The following NBEA variants were observed in gnomAD, a reference collection of about 807,000 sequenced individuals.
The protein encoded by NBEA is lysosomal-trafficking regulator 2.
NBEA carries 44 observed loss-of-function variants against 343.4 expected under a neutral mutation model. That is an observed-to-expected ratio of 0.13 (90% CI 0.10 to 0.16). The LOEUF (loss-of-function observed/expected upper bound fraction) is 0.16. Ranked by LOEUF, NBEA falls within the 10% of genes least tolerant of loss-of-function variation. NBEA has a pLI of 1.00. For missense variants in NBEA, 2,555 were observed against 3,631.3 expected (o/e 0.70, Z 7.62); for synonymous variants, 1,175 against 1,238.7 (o/e 0.95, Z 1.08).
intron 14 of NBEA, 21 bp downstream of exon 14, chr13:35,117,514 T>A: frequency 8.7e-7 from 1 of 1,144,544 alleles, no homozygotes; most frequent in Non-Finnish European, 1.2e-6. Flanking sequence ...TTTATATAAT[T>A]TAAAATAATA....
intron 1 of NBEA, among the ~76,000 whole-genome samples, chr13:34,946,805 G>A (rs2059198190): frequency 6.7e-6 from 1 of 149,166 alleles, no homozygotes; most frequent in South Asian, 2.1e-4. Context: ...TCTCATCTTG[G>A]CTTATGGATC....
intron 36 of NBEA, among the ~76,000 whole-genome samples, chr13:35,331,138 C>T (rs1242077020): frequency 6.6e-6 from 1 of 151,980 alleles, no homozygotes; most frequent in Non-Finnish European, 1.5e-5. Context: ...GATGACCAAT[C>T]TATCAATGTG....
chr13:35,452,050 C>T, intron 39 of NBEA, 42 bp from the exon 40 acceptor site: 2 of 1,449,592 alleles, frequency 1.4e-6, no homozygotes, highest in Non-Finnish European at 1.9e-6. Flanking sequence ...TAAGCAGAAA[C>T]AATCATAATA....
chr13:35,342,250 A>T (rs2039627454), intron 36 of NBEA, among the ~76,000 whole-genome samples: 1 of 152,110 alleles, frequency 6.6e-6, no homozygotes, highest in African/African-American at 2.4e-5. Context: ...TTGCAGAATG[A>T]TAAAAAGGAT....
At chr13:35,319,146 T>C (rs1469214360) in intron 36 of NBEA, among the ~76,000 whole-genome samples, 1 of 152,078 alleles carries the variant, frequency 6.6e-6, no homozygotes, top group East Asian at 1.9e-4. Context: ...TCTGCTAGCT[T>C]TTGAATTTGC....
At chr13:35,585,369 A>G (rs1048861534) in intron 46 of NBEA, among the ~76,000 whole-genome samples, 2 of 151,744 alleles carry the variant, frequency 1.3e-5, no homozygotes, top group South Asian at 4.2e-4. Context: ...AGAGCATCCC[A>G]TTTTTTACCT....
At chr13:35,198,730 A>G (rs1443523029) in intron 31 of NBEA, among the ~76,000 whole-genome samples, 2 of 151,954 alleles carry the variant, frequency 1.3e-5, no homozygotes, top group Non-Finnish European at 2.9e-5. Context: ...AAGTACTATC[A>G]AATGTAAATG....
At chr13:35,424,404 A>G (rs2044510138) in intron 38 of NBEA, among the ~76,000 whole-genome samples, 1 of 152,138 alleles carries the variant, frequency 6.6e-6, no homozygotes, top group African/African-American at 2.4e-5. Flanking sequence ...CTATTGAGAT[A>G]ATCATTTGGT....
At chr13:35,310,731 TATG>T (rs1187255365) in intron 36 of NBEA, among the ~76,000 whole-genome samples, 1 of 152,198 alleles carries the variant, frequency 6.6e-6, no homozygotes, top group Non-Finnish European at 1.5e-5. Flanking sequence ...TTCTTTGGAA[TATG>T]ATGATTATTT....
intron 36 of NBEA, among the ~76,000 whole-genome samples, chr13:35,342,687 T>C (rs1416125450): frequency 6.6e-6 from 1 of 152,040 alleles, no homozygotes; most frequent in African/African-American, 2.4e-5. Flanking sequence ...AGAAGAGGCT[T>C]ATGATGTTAT....
At chr13:35,592,180 T>C (rs569753652) in intron 46 of NBEA, among the ~76,000 whole-genome samples, 1 of 152,262 alleles carries the variant, frequency 6.6e-6, no homozygotes, top group African/African-American at 2.4e-5. Context: ...CTAGGTTTTC[T>C]GCTATAGGAA....
intron 13 of NBEA, among the ~76,000 whole-genome samples, chr13:35,113,178 G>C (rs559849453): frequency 1.3e-5 from 2 of 151,962 alleles, no homozygotes; most frequent in African/African-American, 4.8e-5. Context: ...CCTTAAATTT[G>C]AATTTTCTGT....
At chr13:35,139,759 T>G (rs1268180328) in intron 17 of NBEA, among the ~76,000 whole-genome samples, 8 of 146,048 alleles carry the variant, frequency 5.5e-5, no homozygotes, top group African/African-American at 5.1e-5. Flanking sequence ...TTTTTTTTTT[T>G]TTTTTTTTTT....
intron 34 of NBEA, among the ~76,000 whole-genome samples, chr13:35,277,706 G>A (rs1323091685): frequency 6.7e-6 from 1 of 149,114 alleles, no homozygotes; most frequent in Non-Finnish European, 1.5e-5. Flanking sequence ...CAGCGACTTT[G>A]CCAAATACAC....
In NBEA at chr13:35,196,063, C is replaced by G. The variant is rs370491859; in HGVS notation, c.5127C>G (p.Ser1709=). The G allele has an allele frequency of 1.2e-6, 2 of 1,613,538 alleles. No individual in the cohort carries two copies. The highest frequency in any genetic ancestry group is 1.7e-6 in the Non-Finnish European group (2 of 1,179,722). Residue 1709 remains serine, a synonymous_variant, in exon 31 of 59, where the codon TCC becomes TCG. Transcript: ENST00000379939. ...GTGAACTCTTATCCACTTTGTCATC[C>G]GAAGTGAAGAAATCACAAGAGAGCT... ...AMSELLSTLS[S]EVKKSQESLT... is the part of the protein sequence containing the mutation.
intron 1 of NBEA, among the ~76,000 whole-genome samples, chr13:34,987,961 G>A (rs898792425): frequency 6.6e-6 from 1 of 150,894 alleles, no homozygotes; most frequent in Admixed American, 6.6e-5. Flanking sequence ...GCTCGGAGAT[G>A]TTTGTTATTA....
At chr13:35,403,300 A>G (rs1423481796) in intron 38 of NBEA, among the ~76,000 whole-genome samples, 6 of 152,100 alleles carry the variant, frequency 3.9e-5, no homozygotes, top group African/African-American at 1.4e-4. Flanking sequence ...TGCAAACACT[A>G]TTATAAGTAC....
chr13:35,260,115 ACTT>A (rs1169089540), intron 34 of NBEA, among the ~76,000 whole-genome samples: 1 of 152,218 alleles, frequency 6.6e-6, no homozygotes, highest in Non-Finnish European at 1.5e-5. Flanking sequence ...TCATGTCCAC[ACTT>A]CTTCGTGCTT....
In NBEA at chr13:35,155,419, T is replaced by A. The variant is rs551553237; in HGVS notation, c.2446-355T>A. 5.9e-5 allele frequency among the ~76,000 whole-genome samples: 9 copies of A among 152,034 alleles called. No individual in the cohort carries two copies. The South Asian group carries it at 1.9e-3, about 32-fold the overall frequency. On this transcript the variant is annotated intron_variant, in intron 18 of 58. Transcript: ENST00000379939. The stretch of plus-strand genomic sequence containing the variant: ...CGGGTGGATCATCTGAGGTCAGGAG[T>A]TCGAGACCAGCCTGATCAATATGGT...
Sources: gnomAD v4.1 joint callset for allele counts (sites outside exome capture counted in the v4.1 genomes callset) on GRCh38, gnomAD v4.1.1 for gene constraint, MANE v1.5 for transcripts, NCBI Gene and HGNC (gene_info 2026-07-23, HGNC 2026-07-21) for gene names.